CDH18: variants seen among roughly 807,000 people sequenced by gnomAD.
CDH18 encodes cadherin 18.
Under a neutral mutation model 67.9 loss-of-function variants are expected in CDH18, and 31 were observed. The ratio of observed to expected loss-of-function variants is 0.46; its 90% CI spans 0.34 to 0.62. CDH18 has a LOEUF of 0.62. Ranked by LOEUF, CDH18 falls within the 20% of genes least tolerant of loss-of-function variation. The pLI is 0.01. For synonymous variants in CDH18, 362 were observed against 347.2 expected, an observed-to-expected ratio of 1.04 and a Z score of -0.48; for missense variants, 890 against 975.5, an observed-to-expected ratio of 0.91 and a Z score of 1.17.
intron 1 of CDH18, among the ~76,000 whole-genome samples, chr5:20,325,798 C>G (rs1168688467): frequency 2.0e-5 from 3 of 152,154 alleles, no homozygotes; most frequent in African/African-American, 7.2e-5. Context: ...TTTATATTCT[C>G]TGACATCTGG....
At chr5:20,189,571 C>T (rs984179474) in intron 2 of CDH18, among the ~76,000 whole-genome samples, 7 of 152,082 alleles carry the variant, frequency 4.6e-5, no homozygotes, top group African/African-American at 1.4e-4. Context: ...GAGGGAGATA[C>T]TTATTATCCC....
At chr5:20,390,618 C>T (rs1744762862) in intron 1 of CDH18, among the ~76,000 whole-genome samples, 1 of 152,044 alleles carries the variant, frequency 6.6e-6, no homozygotes, top group South Asian at 2.1e-4. Flanking sequence ...ACCATTTGAC[C>T]CAGCCATCCC....
intron 8 of CDH18, among the ~76,000 whole-genome samples, chr5:19,570,221 A>G (rs893561762): frequency 6.6e-6 from 1 of 152,136 alleles, no homozygotes; most frequent in African/African-American, 2.4e-5. Flanking sequence ...CCTTTGGTTA[A>G]GCAATGAAAC....
intron 1 of CDH18, among the ~76,000 whole-genome samples, chr5:20,263,145 T>C (rs923183426): frequency 2.0e-5 from 3 of 152,158 alleles, no homozygotes; most frequent in Admixed American, 6.5e-5. Flanking sequence ...TTGTTTTTTG[T>C]ATTCATTGTG....
chr5:20,221,566 G>T (rs1189925708), intron 2 of CDH18, among the ~76,000 whole-genome samples: 1 of 152,034 alleles, frequency 6.6e-6, no homozygotes, highest in African/African-American at 2.4e-5. Context: ...CAACAGGGTA[G>T]CTATAGTCAA....
chr5:19,836,374 A>G (rs1346148279), intron 3 of CDH18, among the ~76,000 whole-genome samples: 3 of 152,152 alleles, frequency 2.0e-5, no homozygotes, highest in African/African-American at 7.2e-5. Context: ...CTGGCATTAG[A>G]TGGTATTTCA....
intron 5 of CDH18, among the ~76,000 whole-genome samples, chr5:19,691,403 A>AT (rs1761869587): frequency 6.6e-6 from 1 of 151,914 alleles, no homozygotes; most frequent in Non-Finnish European, 1.5e-5. Flanking sequence ...ACATCAGAAA[A>AT]TAGGAAGAAA....
chr5:19,718,958 T>C (rs756093398), intron 5 of CDH18, among the ~76,000 whole-genome samples: 1 of 152,176 alleles, frequency 6.6e-6, no homozygotes, highest in East Asian at 1.9e-4. Context: ...TTACATATTA[T>C]GTTACTGATA....
At chr5:19,931,384 G>A (rs1199950130) in intron 2 of CDH18, among the ~76,000 whole-genome samples, 2 of 151,776 alleles carry the variant, frequency 1.3e-5, no homozygotes, top group Admixed American at 6.6e-5. Flanking sequence ...CTCCAACAAT[G>A]AAATTTTATT....
chr5:20,163,880 T>C (rs1004676612), intron 2 of CDH18, among the ~76,000 whole-genome samples: 1 of 152,254 alleles, frequency 6.6e-6, no homozygotes, highest in East Asian at 1.9e-4. Flanking sequence ...ACATTTTTCA[T>C]ATAAATATTG....
At chr5:19,970,011 G>A (rs1797871099) in intron 2 of CDH18, among the ~76,000 whole-genome samples, 1 of 151,874 alleles carries the variant, frequency 6.6e-6, no homozygotes, top group Admixed American at 6.6e-5. Context: ...TAAAAGACCC[G>A]ATTAGAGGTT....
chr5:19,757,220 C>G (rs571514010), intron 3 of CDH18, among the ~76,000 whole-genome samples: 1 of 152,306 alleles, frequency 6.6e-6, no homozygotes, highest in South Asian at 2.1e-4. Flanking sequence ...TTGGCAAAAG[C>G]ATTGTGTGCA....
intron 5 of CDH18, among the ~76,000 whole-genome samples, chr5:19,688,199 CA>C (rs1389616678): frequency 3.9e-5 from 6 of 152,170 alleles, no homozygotes; most frequent in Non-Finnish European, 7.3e-5. Context: ...CCACCACTGT[CA>C]CAGGCACAAA....
At chr5:19,866,198 G>A (rs779271544) in intron 2 of CDH18, among the ~76,000 whole-genome samples, 41 of 152,146 alleles carry the variant, frequency 2.7e-4, no homozygotes, top group Non-Finnish European at 1.3e-4. Flanking sequence ...GCCTTGAGGC[G>A]TTTCTATAAT....
intron 2 of CDH18, among the ~76,000 whole-genome samples, chr5:19,930,867 T>G (rs1178580030): frequency 6.6e-6 from 1 of 152,002 alleles, no homozygotes; most frequent in East Asian, 1.9e-4. Context: ...AACCAAAGTC[T>G]TAAGATGTTT....
At chr5:20,145,441 A>G (rs979555657) in intron 2 of CDH18, among the ~76,000 whole-genome samples, 2 of 152,172 alleles carry the variant, frequency 1.3e-5, no homozygotes, top group East Asian at 3.9e-4. Flanking sequence ...CTGCATGACT[A>G]ATCATTGTAA....
chr5:19,616,450 A>C (rs1749856775), intron 5 of CDH18, among the ~76,000 whole-genome samples: 2 of 152,284 alleles, frequency 1.3e-5, no homozygotes, highest in Non-Finnish European at 1.5e-5. Context: ...TTTTCTCAGG[A>C]AATTTTCAGA....
At chr5:20,204,264 A>G (rs936619212) in intron 2 of CDH18, among the ~76,000 whole-genome samples, 8 of 151,996 alleles carry the variant, frequency 5.3e-5, no homozygotes, top group African/African-American at 1.7e-4. Context: ...AGCAAATAAT[A>G]TATAAAGGAG....
At chr5:20,438,732 T>C (rs1235268841) in intron 1 of CDH18, among the ~76,000 whole-genome samples, 1 of 151,442 alleles carries the variant, frequency 6.6e-6, no homozygotes, top group Non-Finnish European at 1.5e-5. Context: ...ATGTACCTTC[T>C]ATTGCTCTAG....
Sources: gnomAD v4.1 joint callset for allele counts (sites outside exome capture counted in the v4.1 genomes callset) on GRCh38, gnomAD v4.1.1 for gene constraint, MANE v1.5 for transcripts, NCBI Gene and HGNC (gene_info 2026-07-23, HGNC 2026-07-21) for gene names.